Variants in CCNH observed in about 807,000 individuals in gnomAD.
The protein encoded by CCNH is cyclin-H.
In CCNH, 31 loss-of-function variants were observed where a neutral mutation model predicts 41.9. That is an observed-to-expected ratio of 0.74 (90% CI 0.56 to 1.00). The LOEUF is 1.00. CCNH is among the 50% of genes least tolerant of loss of function. The pLI is 0.00. For synonymous variants in CCNH, 138 were observed against 136.1 expected (o/e 1.01, Z -0.10); for missense variants, 362 against 388.4 (o/e 0.93, Z 0.57).
downstream of CCNH, chr5:87,393,369 T>C (rs1762661636): frequency 6.6e-6 from 1 of 152,034 alleles, no homozygotes; most frequent in Non-Finnish European, 1.5e-5. Flanking sequence ...AGTTAACACT[T>C]ACTGAATACT....
intron 3 of CCNH, among the ~76,000 whole-genome samples, chr5:87,408,499 TA>T (rs781699042): frequency 2.6e-5 from 4 of 152,146 alleles, no homozygotes; most frequent in Non-Finnish European, 5.9e-5. Flanking sequence ...AACTGAGGAA[TA>T]AGAGTACTTT....
At chr5:87,333,229 ACTAT>A (rs1214015073) in intron 9 of CCNH, 3 of 1,606,812 alleles carry the variant, frequency 1.9e-6, no homozygotes, top group East Asian at 4.5e-5. Context: ...AGATAAAAAG[ACTAT>A]CTTTTTAAAT....
chr5:87,352,835 GA>G (rs912410991), intron 9 of CCNH, among the ~76,000 whole-genome samples: 31 of 150,980 alleles, frequency 2.1e-4, no homozygotes, highest in African/African-American at 6.3e-4. Flanking sequence ...TCTTGGGGGT[GA>G]AAAAAAAGGT....
chr5:87,317,904 A>G (rs532041806), downstream of CCNH, among the ~76,000 whole-genome samples: 3 of 152,116 alleles, frequency 2.0e-5, no homozygotes, highest in East Asian at 5.8e-4. Context: ...CCAAATTTCT[A>G]TAATTACAGG....
At chr5:87,394,813 T>C (rs1210187570) in intron 8 of CCNH, 7 of 1,366,088 alleles carry the variant, frequency 5.1e-6, no homozygotes, top group Admixed American at 3.4e-5. Context: ...TGTATACATA[T>C]TGCTTCTGCT....
chr5:87,346,731 A>G, intron 9 of CCNH: 1 of 1,533,114 alleles, frequency 6.5e-7, no homozygotes, highest in Non-Finnish European at 9.0e-7. Context: ...ACAGGTACTT[A>G]CATATTTACT....
intron 9 of CCNH, among the ~76,000 whole-genome samples, chr5:87,385,982 C>G (rs982411352): frequency 4.6e-5 from 7 of 151,972 alleles, no homozygotes; most frequent in Non-Finnish European, 7.4e-5. Flanking sequence ...ATTAGCTGAA[C>G]TTTGGAGTAA....
chr5:87,319,821 C>T (rs769257762), intron 9 of CCNH, among the ~76,000 whole-genome samples: 1 of 152,202 alleles, frequency 6.6e-6, no homozygotes, highest in Non-Finnish European at 1.5e-5. Context: ...TTTCTCCCCC[C>T]AAAATGGGTT....
intron 9 of CCNH, among the ~76,000 whole-genome samples, chr5:87,369,099 A>G (rs557018520): frequency 2.6e-5 from 4 of 152,308 alleles, no homozygotes; most frequent in African/African-American, 9.6e-5. Context: ...GCATGATATA[A>G]AATCTTTAAA....
chr5:87,330,054 C>G (rs1461602785), intron 9 of CCNH, among the ~76,000 whole-genome samples: 2 of 152,058 alleles, frequency 1.3e-5, no homozygotes, highest in African/African-American at 4.8e-5. Context: ...TCCTCTAGTA[C>G]TAACAGGTTA....
exon 10 of CCNH, chr5:87,318,532 A>T (rs1157591777): frequency 6.5e-6 from 1 of 152,826 alleles, no homozygotes; most frequent in African/African-American, 2.4e-5. Context: ...AAGCAAGCAC[A>T]TCTTCACATA....
downstream of CCNH, chr5:87,386,959 TTAACCCA>T (rs1762105746): frequency 1.4e-6 from 2 of 1,415,298 alleles, no homozygotes; most frequent in Non-Finnish European, 2.0e-6. Flanking sequence ...TATAGCTGAG[TTAACCCA>T]TTTAAGCAGC....
At chr5:87,367,669 T>C (rs1364629353) in intron 9 of CCNH, among the ~76,000 whole-genome samples, 1 of 152,236 alleles carries the variant, frequency 6.6e-6, no homozygotes, top group African/African-American at 2.4e-5. Flanking sequence ...TGACTATCCA[T>C]GTGGTAATTA....
At chr5:87,350,587 G>A (rs1194414434) in intron 9 of CCNH, among the ~76,000 whole-genome samples, 1 of 151,306 alleles carries the variant, frequency 6.6e-6, no homozygotes, top group Admixed American at 6.6e-5. Context: ...CCTACATACT[G>A]GAGGAAGTCG....
intron 9 of CCNH, among the ~76,000 whole-genome samples, chr5:87,333,524 G>C (rs1048498255): frequency 5.9e-5 from 9 of 152,162 alleles, no homozygotes; most frequent in Non-Finnish European, 1.2e-4. Context: ...TGTGGTTTTG[G>C]ATCAGGGTGG....
At chr5:87,383,220 A>C (rs1030262052) in intron 9 of CCNH, among the ~76,000 whole-genome samples, 1 of 152,222 alleles carries the variant, frequency 6.6e-6, no homozygotes, top group African/African-American at 2.4e-5. Flanking sequence ...ATCATCAACA[A>C]AATCAATGCA....
intron 9 of CCNH, chr5:87,362,435 G>A (rs2112455655): frequency 1.0e-6 from 1 of 961,634 alleles, no homozygotes; most frequent in South Asian, 1.5e-5. Flanking sequence ...TATGTGTTAT[G>A]TGTATCTAGA....
Position 87,404,993 on chromosome 5 carries a change from T to C in CCNH, c.540A>G (p.Ile180Met), listed in dbSNP as rs908141453. The change falls in exon 5 of 9, where the codon ATA becomes ATG. Residue 180 changes from isoleucine (I) to methionine (M), a missense_variant. Ile to Met is a conservative substitution (Grantham distance 10). Coordinates refer to ENST00000256897, the MANE Select transcript of CCNH (RefSeq NM_001239.4). ...TCCTCAAAATCTCTGGATTCTCCAA[T>C]ATGGGATAGCGGGTCTACAAAGAAA... Reference protein sequence around the residue: ...FLIDLKTRYPILENPEILRKT... With the variant: ...FLIDLKTRYPMLENPEILRKT... 4 of 1,612,758 alleles carry C rather than the reference T, an allele frequency of 2.5e-6. No individual in the cohort carries two copies. Among genetic ancestry groups the C allele is most frequent in the Non-Finnish European group, 3.4e-6 (4 of 1,179,352 alleles).
chr5:87,377,369 C>T (rs1033946616), upstream of CCNH, among the ~76,000 whole-genome samples: 2 of 152,094 alleles, frequency 1.3e-5, no homozygotes, highest in East Asian at 3.8e-4. Context: ...GCATCTCAGT[C>T]GCCCAGGCTG....
Sources: allele counts gnomAD v4.1 joint callset (sites outside exome capture counted in the v4.1 genomes callset), GRCh38; gene constraint gnomAD v4.1.1; transcripts MANE v1.5; gene names NCBI Gene and HGNC (gene_info 2026-07-23, HGNC 2026-07-21).